The following AZIN2 variants were observed in gnomAD, a reference collection of about 807,000 sequenced individuals.
The protein encoded by AZIN2 is ODC antizyme inhibitor-2.
AZIN2 carries 28 observed loss-of-function variants against 47.8 expected under a neutral mutation model. The ratio of observed to expected loss-of-function variants is 0.59; its 90% CI spans 0.43 to 0.80. The LOEUF (loss-of-function observed/expected upper bound fraction) is 0.80. AZIN2 is among the 30% of genes least tolerant of loss of function. The probability of loss-of-function intolerance (pLI) is 0.00; values close to 1 mark genes in which losing one functional copy is unlikely to be tolerated. For missense variants in AZIN2, 535 were observed against 582.5 expected (o/e 0.92, Z 0.84); for synonymous variants, 221 against 239.4 (o/e 0.92, Z 0.71).
chr1:33,147,190 G>A, the AZIN2 span: 1 of 1,613,702 alleles, frequency 6.2e-7, no homozygotes, highest in Non-Finnish European at 8.5e-7. This position sits in a 1 kb window ranked among gnomAD's most constrained non-coding sequence, Gnocchi z 8.1. Flanking sequence ...GATGCGGACG[G>A]TGTTGATCCG....
In AZIN2 at chr1:33,092,194, A is replaced by C. The variant is rs745908388; in HGVS notation, c.424A>C (p.Lys142Gln). 1.2e-6 allele frequency: 2 copies of C among 1,614,132 alleles called. No homozygotes were observed. Among genetic ancestry groups the C allele is most frequent in the Admixed American group, 3.3e-5 (2 of 60,012 alleles). The stretch of plus-strand genomic sequence containing the variant: ...CTTTGACAATGAGATGGAGCTGGCA[A>C]AGGTGGTAAAGAGCCACCCCAGTGC... ...LSFDNEMELA[K>Q]VVKSHPSAKM... The change falls in exon 6 of 12, where the codon AAG becomes CAG. Residue 142 changes from lysine (K) to glutamine (Q), a missense_variant. Coordinates refer to ENST00000294517, the MANE Select transcript of AZIN2 (RefSeq NM_052998.4).
At chr1:33,090,038 G>A (rs1286776386) in intron 5 of AZIN2, among the ~76,000 whole-genome samples, 1 of 152,194 alleles carries the variant, frequency 6.6e-6, no homozygotes, top group East Asian at 1.9e-4. Context: ...TATTGGCAAG[G>A]ACTGAATAAA....
At chr1:33,124,076 G>A (rs1017491422), downstream of AZIN2, among the ~76,000 whole-genome samples, 2 of 152,098 alleles carry the variant, frequency 1.3e-5, no homozygotes, top group Non-Finnish European at 2.9e-5. The surrounding 1 kb of genome is among the most constrained non-coding windows in gnomAD (Gnocchi z 4.6). Flanking sequence ...TGAGACAGGA[G>A]AATCACTTGA....
chr1:33,090,588 A>G (rs766072027), intron 5 of AZIN2, among the ~76,000 whole-genome samples: 16 of 152,210 alleles, frequency 1.1e-4, no homozygotes, highest in Non-Finnish European at 1.8e-4. Flanking sequence ...TAAGCTGACA[A>G]ATAAAAATTG....
rs551148633 is a variant in AZIN2 at position 33,113,597 on chromosome 1, A to G, written c.1030-4305A>G. 9.2e-5 allele frequency among the ~76,000 whole-genome samples: 14 copies of G among 152,366 alleles called. No homozygotes were observed. The South Asian group carries it at 2.7e-3, about 29-fold the overall frequency. On this transcript the variant is annotated intron_variant, in intron 10 of 11. Coordinates refer to ENST00000294517, the MANE Select transcript of AZIN2 (RefSeq NM_052998.4). This position sits in a 1 kb window ranked among gnomAD's most constrained non-coding sequence, Gnocchi z 4.1. ...TCATATATAAAATGGGAATGATGAC[A>G]GAAAGCTTCAGACTTGGAATCAGAA...
chr1:33,130,031 G>C, the AZIN2 span, among the ~76,000 whole-genome samples: 1 of 151,994 alleles, frequency 6.6e-6, no homozygotes, highest in African/African-American at 2.4e-5. Flanking sequence ...GGCTAATTTT[G>C]TATTTTTAGT....
chr1:33,159,448 C>T, the AZIN2 span, among the ~76,000 whole-genome samples: 1 of 152,188 alleles, frequency 6.6e-6, no homozygotes, highest in Non-Finnish European at 1.5e-5. This position sits in a 1 kb window ranked among gnomAD's most constrained non-coding sequence, Gnocchi z 4.2. Flanking sequence ...AGTGGCTGCC[C>T]TCTAGATGGT....
the AZIN2 span, chr1:33,141,855 G>A: frequency 1.2e-5 from 2 of 162,832 alleles, no homozygotes; most frequent in Non-Finnish European, 2.7e-5. Flanking sequence ...ATAGAAAACT[G>A]TACTATTTTG....
intron 6 of AZIN2, 124 bp downstream of exon 6, chr1:33,092,346 AG>A (rs1277799466): frequency 0.011 from 41 of 3,820 alleles, 4 homozygotes; most frequent in East Asian, 0.017. Context: ...TTCAGAGTGA[AG>A]GGGGGGGTGG....
At chr1:33,091,976 C>T (rs1642599879) in intron 5 of AZIN2, 74 bp from the exon 6 acceptor site, 4 of 1,537,316 alleles carry the variant, frequency 2.6e-6, no homozygotes, top group Middle Eastern at 1.8e-4. Flanking sequence ...ACTTTGCCCT[C>T]ATCTGTGCTT....
At chr1:33,126,478 CA>C (rs2124687204), downstream of AZIN2, among the ~76,000 whole-genome samples, 1 of 152,304 alleles carries the variant, frequency 6.6e-6, no homozygotes, top group South Asian at 2.1e-4. Context: ...GTGCTTACCA[CA>C]GAGTAGACAC....
At chr1:33,162,237 C>T in the AZIN2 span, among the ~76,000 whole-genome samples, 11 of 152,168 alleles carry the variant, frequency 7.2e-5, no homozygotes, top group African/African-American at 2.7e-4. Context: ...ATTCAAGGAC[C>T]TTCTCAATTT....
In AZIN2 at chr1:33,092,042, C is replaced by A. The variant is rs1387555695; in HGVS notation, c.280-8C>A. 1.2e-6 allele frequency: 2 copies of A among 1,611,590 alleles called. No individual in the cohort carries two copies. The highest frequency in any genetic ancestry group is 2.2e-5 in the East Asian group (1 of 44,842). On this transcript the variant is annotated splice_polypyrimidine_tract_variant and splice_region_variant and intron_variant, in intron 5 of 11. Transcript: ENST00000294517. ...TGCCTCCTTACAACCACCTTTGGGG[C>A]CCCATAGGCAGAGATGGAGTTGGTC...
Position 33,117,831 on chromosome 1 carries a change from T to C in AZIN2, c.1030-71T>C, listed in dbSNP as rs571976830. 7.9e-5 allele frequency: 123 copies of C among 1,554,738 alleles called. 2 individuals are homozygous for C. In the East Asian group the frequency reaches 1.8e-3, roughly 23 times the overall value. On this transcript the variant is annotated intron_variant, in intron 10 of 11. Coordinates refer to ENST00000294517, the MANE Select transcript of AZIN2 (RefSeq NM_052998.4). ...GTTGGCTATGGGAGCCATAGAAGGC[T>C]TTTGAGGGAGGGAGTGGCAAGGCTG...
the AZIN2 span, among the ~76,000 whole-genome samples, chr1:33,161,342 A>G: frequency 1.3e-5 from 2 of 152,308 alleles, no homozygotes; most frequent in East Asian, 3.9e-4. This position sits in a 1 kb window ranked among gnomAD's most constrained non-coding sequence, Gnocchi z 4.3. Flanking sequence ...CACGGGCTAT[A>G]GAAGTGCGGC....
the AZIN2 span, chr1:33,165,438 C>T: frequency 6.5e-7 from 1 of 1,541,460 alleles, no homozygotes; most frequent in Non-Finnish European, 8.8e-7. The surrounding 1 kb of genome is among the most constrained non-coding windows in gnomAD (Gnocchi z 4.0). Flanking sequence ...CTCATCTCTG[C>T]CGGCCCCACC....
intron 7 of AZIN2, among the ~76,000 whole-genome samples, chr1:33,093,885 T>C (rs538393155): frequency 2.6e-5 from 4 of 151,788 alleles, no homozygotes; most frequent in Non-Finnish European, 5.9e-5. Context: ...CAGGCGTGCA[T>C]TACCACACCT....
At chr1:33,119,843 G>T in intron 11 of AZIN2, 1 of 618,512 alleles carries the variant, frequency 1.6e-6, no homozygotes, top group Admixed American at 2.9e-5. Flanking sequence ...GATACATGTG[G>T]ATTTCTTTCC....
chr1:33,159,797 A>C, the AZIN2 span: 1 of 1,613,898 alleles, frequency 6.2e-7, no homozygotes, highest in Non-Finnish European at 8.5e-7. The surrounding 1 kb of genome is among the most constrained non-coding windows in gnomAD (Gnocchi z 4.2). Flanking sequence ...TGCTGGCTGT[A>C]GCGCTGGACT....
Sources: allele counts gnomAD v4.1 joint callset (sites outside exome capture counted in the v4.1 genomes callset), GRCh38; gene constraint gnomAD v4.1.1; non-coding constraint Gnocchi (gnomAD v3.1); transcripts MANE v1.5; gene names NCBI Gene and HGNC (gene_info 2026-07-23, HGNC 2026-07-21).